Variants in MGAT4C observed in about 807,000 individuals in gnomAD.
MGAT4C encodes the protein MGAT4 family member C, also known as alpha-1,3-mannosyl-glycoprotein 4-beta-N-acetylglucosaminyltransferase C.
A neutral mutation model predicts 40.1 loss-of-function variants in MGAT4C; 19 were observed. The observed-to-expected ratio is 0.47, with a 90% CI of 0.33 to 0.70. The LOEUF (loss-of-function observed/expected upper bound fraction) is 0.70, where lower values mean the gene tolerates loss of function less well. Among genes scored for constraint, MGAT4C ranks in the 30% least tolerant of loss-of-function variants. The probability of loss-of-function intolerance (pLI) is 0.02; values close to 1 mark genes in which losing one functional copy is unlikely to be tolerated. For missense variants in MGAT4C, 491 were observed against 563.2 expected, an observed-to-expected ratio of 0.87 and a Z score of 1.30; for synonymous variants, 181 against 187.1, an observed-to-expected ratio of 0.97 and a Z score of 0.27.
chr12:86,638,429 T>C (rs1208540260), intron 2 of MGAT4C, among the ~76,000 whole-genome samples: 1 of 151,826 alleles, frequency 6.6e-6, no homozygotes, highest in African/African-American at 2.4e-5. Context: ...TCTACCTATA[T>C]GGTAGTATTT....
chr12:86,620,323 C>T (rs1418884961), intron 2 of MGAT4C, among the ~76,000 whole-genome samples: 1 of 151,586 alleles, frequency 6.6e-6, no homozygotes, highest in East Asian at 1.9e-4. Flanking sequence ...GTCCATCAGT[C>T]GAGAATTAGA....
intron 2 of MGAT4C, among the ~76,000 whole-genome samples, chr12:86,469,948 A>C (rs1302439504): frequency 6.6e-6 from 1 of 152,056 alleles, no homozygotes; most frequent in Non-Finnish European, 1.5e-5. Flanking sequence ...CAGTATTTTT[A>C]TTTCACTTAG....
chr12:85,995,481 A>G (rs893777136), intron 2 of MGAT4C, among the ~76,000 whole-genome samples: 4 of 152,178 alleles, frequency 2.6e-5, no homozygotes, highest in African/African-American at 9.7e-5. Context: ...AAGCTTATAC[A>G]GTGTTGGAGA....
At chr12:86,003,735 T>G (rs893725061) in intron 2 of MGAT4C, among the ~76,000 whole-genome samples, 1 of 140,572 alleles carries the variant, frequency 7.1e-6, no homozygotes, top group African/African-American at 2.6e-5. Flanking sequence ...TTTGTGAAGT[T>G]GTGAAGTTTT....
chr12:86,643,453 T>C (rs1045507415), intron 2 of MGAT4C, among the ~76,000 whole-genome samples: 6 of 151,858 alleles, frequency 4.0e-5, no homozygotes, highest in Admixed American at 2.6e-4. Flanking sequence ...TATTCATTAA[T>C]TGATACACAA....
intron 1 of MGAT4C, among the ~76,000 whole-genome samples, chr12:86,752,566 A>T (rs2136142786): frequency 6.6e-6 from 1 of 152,194 alleles, no homozygotes; most frequent in East Asian, 1.9e-4. Flanking sequence ...ACATGAATGA[A>T]TTTATAGATT....
chr12:86,565,630 T>G (rs898391390), intron 2 of MGAT4C, among the ~76,000 whole-genome samples: 1 of 152,174 alleles, frequency 6.6e-6, no homozygotes, highest in African/African-American at 2.4e-5. Context: ...GCCCAGGGAC[T>G]TAGAAAAAGC....
chr12:86,092,335 A>C (rs2135572880), intron 1 of MGAT4C, among the ~76,000 whole-genome samples: 1 of 152,214 alleles, frequency 6.6e-6, no homozygotes, highest in African/African-American at 2.4e-5. Context: ...GGTGGAGATA[A>C]ATTACTATTA....
intron 1 of MGAT4C, among the ~76,000 whole-genome samples, chr12:86,119,992 C>A (rs1433140721): frequency 6.6e-6 from 1 of 151,620 alleles, no homozygotes; most frequent in Admixed American, 6.6e-5. Flanking sequence ...AATTAAATTG[C>A]TCACATTATT....
rs145425568 is a variant in MGAT4C, at chr12:86,357,998, G to A, written c.-119-23871C>T. On this transcript the variant is annotated intron_variant, in intron 3 of 7. Coordinates refer to the MGAT4C transcript ENST00000548651. ...AGAGAACACCACAGCGATACTCCTC[G>A]AGAAGAACAACCCCAAAACACATAA... 6.6e-3 allele frequency among the ~76,000 whole-genome samples: 1,004 copies of A among 152,096 alleles called. 10 individuals carry two copies. Among genetic ancestry groups the A allele is most frequent in the African/African-American group, 0.023 (956 of 41,476 alleles).
intron 2 of MGAT4C, among the ~76,000 whole-genome samples, chr12:86,024,055 T>C (rs1052715527): frequency 7.9e-5 from 12 of 151,962 alleles, no homozygotes; most frequent in African/African-American, 2.9e-4. Context: ...AGAACTACAA[T>C]GACATATTAA....
chr12:86,761,629 G>A (rs1022528068), intron 1 of MGAT4C, among the ~76,000 whole-genome samples: 1 of 152,138 alleles, frequency 6.6e-6, no homozygotes, highest in African/African-American at 2.4e-5. Flanking sequence ...TCAGGAGAAG[G>A]CTGGTTCCTT....
intron 1 of MGAT4C, among the ~76,000 whole-genome samples, chr12:86,072,435 G>A (rs1214852197): frequency 2.0e-5 from 3 of 151,274 alleles, no homozygotes; most frequent in East Asian, 3.9e-4. Flanking sequence ...GGTAATTAAT[G>A]AAAAAATAAA....
intron 2 of MGAT4C, among the ~76,000 whole-genome samples, chr12:86,566,562 A>G (rs1325521549): frequency 1.0e-4 from 13 of 125,988 alleles, no homozygotes; most frequent in East Asian, 4.6e-4. Context: ...ATATATATAT[A>G]TATATATATA....
chr12:86,573,962 A>G (rs1410842063), intron 2 of MGAT4C, among the ~76,000 whole-genome samples: 5 of 151,898 alleles, frequency 3.3e-5, no homozygotes, highest in African/African-American at 1.2e-4. Context: ...AAAACTCTTA[A>G]GAAACTACAC....
chr12:86,130,595 A>T, intron 1 of MGAT4C, among the ~76,000 whole-genome samples: 1 of 152,082 alleles, frequency 6.6e-6, no homozygotes, highest in Admixed American at 6.6e-5. Flanking sequence ...ATACAAATTC[A>T]TATGTACAAA....
At chr12:86,636,487 A>G (rs953216817) in intron 2 of MGAT4C, among the ~76,000 whole-genome samples, 1 of 152,006 alleles carries the variant, frequency 6.6e-6, no homozygotes, top group African/African-American at 2.4e-5. Flanking sequence ...TTAGGATAAG[A>G]TGAGGTCATA....
chr12:86,814,273 C>T (rs549776899), intron 1 of MGAT4C, among the ~76,000 whole-genome samples: 6 of 108,214 alleles, frequency 5.5e-5, no homozygotes, highest in Admixed American at 9.7e-5. Flanking sequence ...TATACATATA[C>T]GTATATATAT....
intron 2 of MGAT4C, among the ~76,000 whole-genome samples, chr12:86,658,916 C>T (rs1311716129): frequency 6.6e-6 from 1 of 152,010 alleles, no homozygotes; most frequent in Non-Finnish European, 1.5e-5. Context: ...CTTCCCTCTG[C>T]CAGGATGCCT....
Sources: allele counts gnomAD v4.1 joint callset (sites outside exome capture counted in the v4.1 genomes callset), GRCh38; gene constraint gnomAD v4.1.1; transcripts MANE v1.5; gene names NCBI Gene and HGNC (gene_info 2026-07-23, HGNC 2026-07-21).